The following MGAT4C variants were observed in gnomAD, a reference collection of about 807,000 sequenced individuals.
MGAT4C encodes alpha-1,3-mannosyl-glycoprotein 4-beta-N-acetylglucosaminyltransferase C.
A neutral mutation model predicts 40.1 loss-of-function variants in MGAT4C; 19 were observed. The ratio of observed to expected loss-of-function variants is 0.47; its 90% confidence interval spans 0.33 to 0.70. MGAT4C has a LOEUF of 0.70. Ranked by LOEUF, MGAT4C falls within the 30% of genes least tolerant of loss-of-function variation. MGAT4C has a pLI of 0.02. For synonymous variants in MGAT4C, 181 were observed against 187.1 expected, an observed-to-expected ratio of 0.97 and a Z score of 0.27; for missense variants, 491 against 563.2, an observed-to-expected ratio of 0.87 and a Z score of 1.30.
At chr12:86,031,798 A>G (rs7484454) in intron 2 of MGAT4C, among the ~76,000 whole-genome samples, 67,622 of 151,646 alleles carry the variant, frequency 0.45, 15,903 homozygotes, top group African/African-American at 0.53. Flanking sequence ...AGGGGTACAT[A>G]TGCAAGTTTG....
intron 2 of MGAT4C, among the ~76,000 whole-genome samples, chr12:86,723,998 A>G (rs186991110): frequency 6.6e-6 from 1 of 152,276 alleles, no homozygotes; most frequent in Non-Finnish European, 1.5e-5. Context: ...AGGAAAGCAA[A>G]GTTTTTCCTT....
intron 2 of MGAT4C, among the ~76,000 whole-genome samples, chr12:86,517,510 T>C (rs1026519586): frequency 1.3e-5 from 2 of 152,198 alleles, no homozygotes; most frequent in African/African-American, 4.8e-5. Context: ...CACATATCCC[T>C]GGACTATGAA....
rs1340085302 is a variant in MGAT4C, at chr12:86,032,770, T to G, written c.-7+16904A>C. On this transcript the variant is annotated intron_variant, in intron 2 of 4. Coordinates refer to ENST00000611864, the MANE Select transcript of MGAT4C (RefSeq NM_001351288.2). ...CTGCGCAGAAGCTTTTCAGTTTAAT[T>G]AGGTCCCATTTGTCAATTTTTGTTT... Among the ~76,000 whole-genome samples, 2 of 149,928 alleles carry G rather than the reference T, an allele frequency of 1.3e-5. 1 individual carries two copies. The highest frequency in any genetic ancestry group is 3.0e-5 in the Non-Finnish European group (2 of 66,820).
chr12:86,775,391 G>A (rs1037858683), intron 1 of MGAT4C, among the ~76,000 whole-genome samples: 1 of 150,688 alleles, frequency 6.6e-6, no homozygotes, highest in Non-Finnish European at 1.5e-5. Context: ...CATATATGAT[G>A]TATGATCTAA....
intron 2 of MGAT4C, among the ~76,000 whole-genome samples, chr12:86,629,588 G>C (rs937297040): frequency 6.6e-6 from 1 of 152,150 alleles, no homozygotes; most frequent in Non-Finnish European, 1.5e-5. Flanking sequence ...TACAACTCAG[G>C]ATTAAGGAAC....
At chr12:86,439,690 A>C (rs2136276831) in intron 2 of MGAT4C, among the ~76,000 whole-genome samples, 1 of 152,240 alleles carries the variant, frequency 6.6e-6, no homozygotes, top group South Asian at 2.1e-4. Flanking sequence ...TGAAGCAAAA[A>C]GTTTTTTCTT....
At chr12:86,809,567 AAT>A (rs1555232264) in intron 1 of MGAT4C, among the ~76,000 whole-genome samples, 2 of 151,902 alleles carry the variant, frequency 1.3e-5, no homozygotes, top group Non-Finnish European at 2.9e-5. Context: ...TTTAAAAAAA[AAT>A]TTATTTGCCA....
At chr12:86,063,593 A>G (rs1894212333) in intron 1 of MGAT4C, among the ~76,000 whole-genome samples, 1 of 152,222 alleles carries the variant, frequency 6.6e-6, no homozygotes, top group African/African-American at 2.4e-5. Flanking sequence ...CTGGATAAAG[A>G]GTCAAGATCC....
intron 1 of MGAT4C, among the ~76,000 whole-genome samples, chr12:86,130,175 T>C (rs1253369363): frequency 6.6e-6 from 1 of 152,198 alleles, no homozygotes; most frequent in Non-Finnish European, 1.5e-5. Context: ...TTTAAACAAA[T>C]AATTTTCATC....
chr12:86,435,414 T>C (rs1472905454), intron 2 of MGAT4C: 1 of 151,912 alleles, frequency 6.6e-6, no homozygotes, highest in Admixed American at 6.6e-5. Context: ...ACAAGCTGTT[T>C]GGTTTCTCTG....
intron 1 of MGAT4C, among the ~76,000 whole-genome samples, chr12:86,181,285 A>T (rs966916329): frequency 2.0e-5 from 3 of 152,244 alleles, no homozygotes; most frequent in South Asian, 4.2e-4. Flanking sequence ...AGCAGCATGA[A>T]AAAAAACTAA....
chr12:86,351,501 C>A (rs898755219), intron 3 of MGAT4C, among the ~76,000 whole-genome samples: 3 of 151,930 alleles, frequency 2.0e-5, no homozygotes, highest in African/African-American at 4.8e-5. Context: ...TTAATTAAAT[C>A]ACACATAATC....
intron 2 of MGAT4C, among the ~76,000 whole-genome samples, chr12:86,678,188 G>A (rs1229815346): frequency 2.6e-5 from 4 of 152,008 alleles, no homozygotes; most frequent in African/African-American, 9.7e-5. Flanking sequence ...GGGGAGCAAA[G>A]CAAAACAATA....
At chr12:86,386,715 A>G (rs563209233) in intron 3 of MGAT4C, among the ~76,000 whole-genome samples, 1 of 152,336 alleles carries the variant, frequency 6.6e-6, no homozygotes, top group East Asian at 1.9e-4. Flanking sequence ...TACTTTCAAT[A>G]GAAAAAAATA....
intron 2 of MGAT4C, among the ~76,000 whole-genome samples, chr12:86,575,565 T>C (rs773663591): frequency 6.6e-6 from 1 of 151,934 alleles, no homozygotes; most frequent in Non-Finnish European, 1.5e-5. Context: ...TAAATAGTAC[T>C]CCATTGTGTA....
At chr12:86,326,206 T>C (rs1468225825) in intron 4 of MGAT4C, among the ~76,000 whole-genome samples, 2 of 151,726 alleles carry the variant, frequency 1.3e-5, no homozygotes, top group African/African-American at 4.8e-5. Context: ...AGAGAAAAAA[T>C]ATGAGATCTA....
chr12:86,689,597 T>C (rs1331086300), intron 2 of MGAT4C, among the ~76,000 whole-genome samples: 2 of 152,240 alleles, frequency 1.3e-5, no homozygotes, highest in East Asian at 3.8e-4. Context: ...TGGAGTTTGC[T>C]GGACATCCAT....
At chr12:86,700,971 A>C (rs1039291938) in intron 2 of MGAT4C, among the ~76,000 whole-genome samples, 2 of 152,150 alleles carry the variant, frequency 1.3e-5, no homozygotes, top group Non-Finnish European at 2.9e-5. Context: ...AAACTTTTCC[A>C]AGAAATATAA....
In MGAT4C at chr12:85,958,004, A is replaced by G. The variant is rs1882898662; in HGVS notation, c.*21285T>C. On this transcript the variant is annotated 3_prime_UTR_variant, in exon 5 of 5. Transcript: ENST00000611864. ...ACAAGTCACCATTCTTCCAAATACA[A>G]GACTGAATTGTTTACAGTTTTTCTA... 1 of 150,984 alleles carries G rather than the reference A, an allele frequency of 6.6e-6. No individual in the cohort carries two copies. The highest frequency in any genetic ancestry group is 2.4e-5 in the African/African-American group (1 of 41,180). 9.4% of individuals were successfully genotyped at this position (150,984 alleles called of 1,614,324 possible). A position where few individuals can be genotyped will look rare whatever the true frequency, so the allele number is the denominator to read the frequency against.
Sources: gnomAD v4.1 joint callset for allele counts (sites outside exome capture counted in the v4.1 genomes callset) on GRCh38, gnomAD v4.1.1 for gene constraint, MANE v1.5 for transcripts, NCBI Gene and HGNC (gene_info 2026-07-23, HGNC 2026-07-21) for gene names.